The following EDA variants were observed in gnomAD, a reference collection of about 807,000 sequenced individuals.
EDA encodes the protein ectodysplasin-A.
Under a neutral mutation model 23.6 loss-of-function variants are expected in EDA, and 2 were observed. That is an observed-to-expected ratio of 0.08 (90% CI 0.03 to 0.27). EDA has a LOEUF of 0.27. Among genes scored for constraint, EDA ranks in the 10% least tolerant of loss-of-function variants. The pLI is 1.00. For synonymous variants in EDA, 131 were observed against 132.0 expected (o/e 0.99, Z 0.05); for missense variants, 229 against 324.2 (o/e 0.71, Z 2.26).
chrX:69,802,936 C>G (rs911424926), intron 1 of EDA, among the ~76,000 whole-genome samples: 1 of 111,808 alleles, frequency 8.9e-6, no homozygotes, highest in Admixed American at 9.5e-5. Flanking sequence ...TATAGACAGA[C>G]AGGTGCTAGG....
At chrX:69,851,339 CTT>C (rs906708213) in intron 1 of EDA, among the ~76,000 whole-genome samples, 8 of 112,163 alleles carry the variant, frequency 7.1e-5, no homozygotes, top group African/African-American at 1.9e-4. Flanking sequence ...CTTTTATTCT[CTT>C]TTGTGCTTAT....
At chrX:69,664,736 A>C (rs1933623785) in intron 1 of EDA, among the ~76,000 whole-genome samples, 1 of 111,238 alleles carries the variant, frequency 9.0e-6, no homozygotes, top group Non-Finnish European at 1.9e-5. Flanking sequence ...TGAACATTTA[A>C]GTTGTTTCCA....
chrX:69,919,666 G>A (rs2018397786), intron 1 of EDA, among the ~76,000 whole-genome samples: 1 of 112,013 alleles, frequency 8.9e-6, no homozygotes, highest in Non-Finnish European at 1.9e-5. Flanking sequence ...TAATTGAAAA[G>A]CATCAAAATA....
At chrX:69,683,547 A>G (rs1379048370) in intron 1 of EDA, among the ~76,000 whole-genome samples, 1 of 111,354 alleles carries the variant, frequency 9.0e-6, no homozygotes, top group Non-Finnish European at 1.9e-5. Context: ...AATTCCCATA[A>G]TAACTTACTT....
intron 2 of EDA, among the ~76,000 whole-genome samples, chrX:69,992,744 T>C (rs2019605852): frequency 9.0e-6 from 1 of 111,680 alleles, no homozygotes; most frequent in Non-Finnish European, 1.9e-5. Flanking sequence ...ATCATACCAG[T>C]CTATACTCTT....
chrX:69,876,844 G>A (rs5980666), intron 1 of EDA, among the ~76,000 whole-genome samples: 23,884 of 111,764 alleles, frequency 0.21, 1,874 homozygotes, highest in East Asian at 0.27. Flanking sequence ...CAGGTTGAAG[G>A]ACATTTAGAT....
At chrX:69,835,548 G>A (rs904658871) in intron 1 of EDA, among the ~76,000 whole-genome samples, 1 of 111,736 alleles carries the variant, frequency 8.9e-6, no homozygotes, top group Non-Finnish European at 1.9e-5. Context: ...CTCGTGGCAT[G>A]GTTTTCAGCT....
chrX:69,952,227 A>G lies in EDA; in HGVS notation c.397-4800A>G, dbSNP rs756875366. Among the ~76,000 whole-genome samples the G allele has an allele frequency of 4.7e-3, 528 of 111,770 alleles. 2 individuals are homozygous for G. Among genetic ancestry groups the G allele is most frequent in the Non-Finnish European group, 7.0e-3 (370 of 53,130 alleles). The stretch of plus-strand genomic sequence containing the variant: ...AAATAGAAACCATGTGTATTAGTCC[A>G]TTTTCATTCTGCTGATAAAGGCATA... On this transcript the variant is annotated intron_variant, in intron 1 of 7. Transcript: ENST00000374552.
intron 1 of EDA, among the ~76,000 whole-genome samples, chrX:69,667,514 A>G (rs1933726751): frequency 9.0e-6 from 1 of 110,501 alleles, no homozygotes; most frequent in African/African-American, 3.3e-5. Context: ...GGATTTGTTA[A>G]TATTGTTTAT....
At chrX:69,998,885 C>T (rs1256798011) in intron 2 of EDA, among the ~76,000 whole-genome samples, 2 of 111,539 alleles carry the variant, frequency 1.8e-5, no homozygotes, top group Non-Finnish European at 3.8e-5. Context: ...TCCCCAGCCA[C>T]GTGGAACTGT....
At chrX:69,864,535 A>G (rs970804177) in intron 1 of EDA, among the ~76,000 whole-genome samples, 12 of 111,879 alleles carry the variant, frequency 1.1e-4, no homozygotes, top group African/African-American at 3.6e-4. Context: ...AATTCTGGTA[A>G]TAGGACAAAA....
chrX:69,673,457 T>C (rs1231862707), intron 1 of EDA, among the ~76,000 whole-genome samples: 2 of 111,290 alleles, frequency 1.8e-5, no homozygotes, highest in African/African-American at 3.3e-5. Flanking sequence ...GATGAGGTCA[T>C]TGGAGATGAA....
chrX:69,711,006 C>G (rs1453607560), intron 1 of EDA, among the ~76,000 whole-genome samples: 1 of 111,263 alleles, frequency 9.0e-6, no homozygotes, highest in Non-Finnish European at 1.9e-5. Flanking sequence ...CCTGATTGCC[C>G]TGGCCAGAAC....
intron 1 of EDA, among the ~76,000 whole-genome samples, chrX:69,684,198 C>T (rs1437372157): frequency 1.8e-5 from 2 of 111,779 alleles, no homozygotes; most frequent in Non-Finnish European, 1.9e-5. Flanking sequence ...CATATTTCCT[C>T]GCCAACAGCT....
At chrX:69,635,156 C>A in intron 1 of EDA, among the ~76,000 whole-genome samples, 1 of 111,414 alleles carries the variant, frequency 9.0e-6, no homozygotes, top group Non-Finnish European at 1.9e-5. Flanking sequence ...TGTTAAGTGA[C>A]ACATGACACA....
chrX:69,754,374 A>G (rs2014020149), intron 1 of EDA, among the ~76,000 whole-genome samples: 1 of 111,837 alleles, frequency 8.9e-6, no homozygotes, highest in Non-Finnish European at 1.9e-5. Flanking sequence ...CTTTTCTTCA[A>G]GAATGTTGAA....
chrX:69,827,684 CCTT>C (rs1351544036), intron 1 of EDA, among the ~76,000 whole-genome samples: 12 of 112,005 alleles, frequency 1.1e-4, no homozygotes, highest in Non-Finnish European at 2.1e-4. Context: ...TCGTCTGAAG[CCTT>C]CTTCTCTCAG....
intron 1 of EDA, among the ~76,000 whole-genome samples, chrX:69,853,645 A>C (rs1415574000): frequency 1.8e-5 from 2 of 112,337 alleles, no homozygotes; most frequent in Non-Finnish European, 1.9e-5. Flanking sequence ...CCAGGCAAAA[A>C]AGATTATACT....
intron 1 of EDA, among the ~76,000 whole-genome samples, chrX:69,832,167 T>G (rs2016628928): frequency 8.9e-6 from 1 of 112,008 alleles, no homozygotes; most frequent in Non-Finnish European, 1.9e-5. Context: ...TTTTATGGTT[T>G]TAGGTCTAAC....
Sources: allele counts gnomAD v4.1 joint callset (sites outside exome capture counted in the v4.1 genomes callset), GRCh38; gene constraint gnomAD v4.1.1; transcripts MANE v1.5; gene names NCBI Gene and HGNC (gene_info 2026-07-23, HGNC 2026-07-21).